The following CDH26 variants were observed in gnomAD, a reference collection of about 807,000 sequenced individuals.
CDH26 encodes cadherin 26.
A neutral mutation model predicts 90.3 loss-of-function variants in CDH26; 83 were observed. The observed-to-expected ratio is 0.92, with a 90% CI of 0.77 to 1.10. CDH26 has a LOEUF of 1.10. CDH26 is among the 50% of genes least tolerant of loss of function. The probability of loss-of-function intolerance (pLI) is 0.00; values close to 1 mark genes in which losing one functional copy is unlikely to be tolerated. For missense variants in CDH26, 1,013 were observed against 1,037.6 expected (o/e 0.98, Z 0.33); for synonymous variants, 397 against 396.3 (o/e 1.00, Z -0.02).
At chr20:59,972,690 A>G (rs1288010892) in intron 4 of CDH26, among the ~76,000 whole-genome samples, 1 of 152,184 alleles carries the variant, frequency 6.6e-6, no homozygotes. Flanking sequence ...ACCTAACATC[A>G]TAGGAAGTCC....
rs1407651188 is a variant in CDH26, at chr20:59,994,384, G to A, written c.1561G>A (p.Glu521Lys). Reference protein sequence around the residue: ...ESAVHEPLHIEAEDPDLEPFS... With the variant: ...ESAVHEPLHIKAEDPDLEPFS... The stretch of plus-strand genomic sequence containing the variant: ...TGCTGTGCATGAGCCCCTCCACATC[G>A]AGGCAGAGGATCCGGACCTGGAGCC... Residue 521 changes from glutamate to lysine, a missense_variant, in exon 11 of 18, where the codon GAG becomes AAG. Transcript: ENST00000348616. 2.5e-6 allele frequency: 4 copies of A among 1,614,034 alleles called. No individual in the cohort carries two copies. The highest frequency in any genetic ancestry group is 2.2e-5 in the East Asian group (1 of 44,858).
Position 60,006,734 on chromosome 20 carries a change from C to T in CDH26, c.2242C>T (p.His748Tyr). ...GCAGGCTTACCCAGATGCCACAATG[C>T]ACAGACAACTCCTGGCTCCGGTGGA... Reference protein sequence around the residue: ...STPAYPDATMHRQLLAPVEGR... With the variant: ...STPAYPDATMYRQLLAPVEGR... Residue 748 changes from histidine (H) to tyrosine (Y), a missense_variant, in exon 17 of 18, where the codon CAC becomes TAC. Transcript: ENST00000348616. 6.2e-7 allele frequency: 1 copy of T among 1,614,024 alleles called. No individual in the cohort carries two copies. Among genetic ancestry groups the T allele is most frequent in the East Asian group, 2.2e-5 (1 of 44,860 alleles).
intron 1 of CDH26, among the ~76,000 whole-genome samples, chr20:59,968,003 CTTTCTTT>C (rs1569024955): frequency 2.5e-5 from 3 of 119,312 alleles, no homozygotes; most frequent in South Asian, 2.7e-4. Flanking sequence ...TTCTTTCTTT[CTTTCTTT>C]CTTCCTTTCT....
chr20:60,002,896 C>T (rs769804969), intron 16 of CDH26, 30 bp downstream of exon 16: 9 of 1,471,534 alleles, frequency 6.1e-6, no homozygotes, highest in Non-Finnish European at 8.3e-6. Context: ...TTACCGTGAA[C>T]AAATTTACCT....
chr20:60,030,521 C>A lies in CDH26; in HGVS notation c.948-710C>A, dbSNP rs2062032377. On this transcript the variant is annotated intron_variant, in intron 7 of 8. Transcript: ENST00000370991. The surrounding 1 kb of genome is among the most constrained non-coding windows in gnomAD (Gnocchi z 4.0). ...GTTTCTGTAAGTTCCAGAGGCAGAT[C>A]CTGGAAGATTTTAACTAGCTAATGT... Among the ~76,000 whole-genome samples the A allele has an allele frequency of 6.6e-6, 1 of 152,116 alleles. No individual in the cohort carries two copies. The highest frequency in any genetic ancestry group is 2.4e-5 in the African/African-American group (1 of 41,414).
At chr20:59,974,534 T>G (rs942703729) in intron 4 of CDH26, among the ~76,000 whole-genome samples, 1 of 152,174 alleles carries the variant, frequency 6.6e-6, no homozygotes, top group African/African-American at 2.4e-5. Context: ...AGGCACCATT[T>G]AGAGCAAAGA....
At chr20:60,009,184 A>G (rs925141602) in intron 17 of CDH26, among the ~76,000 whole-genome samples, 1 of 152,186 alleles carries the variant, frequency 6.6e-6, no homozygotes, top group Non-Finnish European at 1.5e-5. Flanking sequence ...TCCAATGGTA[A>G]AGGCACGAGG....
At chr20:60,033,346 T>C in intron 8 of CDH26, 1 of 1,155,714 alleles carries the variant, frequency 8.7e-7, no homozygotes, top group African/African-American at 1.6e-5. Context: ...TTTAACCTCC[T>C]TCGTGTACAC....
At chr20:60,033,423 C>G in intron 8 of CDH26, 2 of 1,274,336 alleles carry the variant, frequency 1.6e-6, no homozygotes, top group Non-Finnish European at 2.1e-6. Context: ...GAATGCTAAG[C>G]CTGTGTTACC....
chr20:60,021,893 C>CAT lies in CDH26; in HGVS notation c.948-9337_948-9336insTA, dbSNP rs1440474881. Among the ~76,000 whole-genome samples, 202 of 87,470 alleles carry CAT rather than the reference C, an allele frequency of 2.3e-3. 2 individuals carry two copies. Among genetic ancestry groups the CAT allele is most frequent in the African/African-American group, 6.5e-3 (183 of 28,256 alleles). The allele number at this position is 87,470 out of a possible 152,430, so 57.4% of individuals were successfully genotyped here. A position where few individuals can be genotyped will look rare whatever the true frequency, so the allele number is the denominator to read the frequency against. On this transcript the variant is annotated intron_variant, in intron 7 of 8. Transcript: ENST00000370991. ...ACACACACACACACACACACACACA[C>CAT]ACACATATATATATATATATATATC...
intron 9 of CDH26, 137 bp downstream of exon 9, chr20:59,989,300 G>A: frequency 9.1e-7 from 1 of 1,099,224 alleles, no homozygotes; most frequent in Non-Finnish European, 1.3e-6. Context: ...AGGCCGAGGC[G>A]GGTGGATCAT....
chr20:59,988,771 A>G (rs528083639), intron 8 of CDH26, 133 bp from the exon 9 acceptor site: 3 of 923,682 alleles, frequency 3.2e-6, no homozygotes, highest in South Asian at 1.7e-5. Context: ...TTTGATCATT[A>G]TCAAAGACAA....
intron 17 of CDH26, 68 bp downstream of exon 17, chr20:60,006,855 G>A: frequency 1.7e-6 from 2 of 1,190,766 alleles, no homozygotes; most frequent in Non-Finnish European, 1.3e-6. Flanking sequence ...CTCCAGGCTT[G>A]ATTTGGGGAC....
At chr20:59,996,786 C>T (rs775754959) in intron 13 of CDH26, 25 bp downstream of exon 13, 6 of 1,613,948 alleles carry the variant, frequency 3.7e-6, no homozygotes, top group Non-Finnish European at 5.1e-6. Context: ...TGCTTTGTGT[C>T]TTATGGCAAG....
chr20:60,025,882 T>A (rs1046868491), intron 7 of CDH26, among the ~76,000 whole-genome samples: 2 of 152,054 alleles, frequency 1.3e-5, no homozygotes, highest in African/African-American at 4.8e-5. Flanking sequence ...GAAAATACAA[T>A]AAAGGTGATT....
intron 1 of CDH26, among the ~76,000 whole-genome samples, chr20:59,965,471 C>G (rs2061136393): frequency 1.3e-5 from 2 of 152,116 alleles, no homozygotes; most frequent in Non-Finnish European, 2.9e-5. Context: ...ATAAAAATAG[C>G]ACATATTTTG....
intron 7 of CDH26, among the ~76,000 whole-genome samples, chr20:60,027,420 CTT>C (rs1166418412): frequency 6.6e-6 from 1 of 152,302 alleles, no homozygotes; most frequent in East Asian, 1.9e-4. Flanking sequence ...TTCCATCCCT[CTT>C]TTTTCTTTTC....
intron 13 of CDH26, among the ~76,000 whole-genome samples, chr20:59,997,841 T>C (rs1284242688): frequency 6.6e-6 from 1 of 152,236 alleles, no homozygotes; most frequent in Non-Finnish European, 1.5e-5. Flanking sequence ...AATTAGAGAG[T>C]TTCTCAAAAA....
chr20:60,001,348 C>G lies in CDH26; in HGVS notation c.2103C>G (p.Leu701=). The change falls in exon 15 of 18, where the codon CTC becomes CTG. Residue 701 remains leucine (L), a synonymous_variant. Transcript: ENST00000348616. Reference sequence around the variant, plus strand: ...AATCAGCATTTTCCCTCTAGGATCTCGAGGAAGTGCCTCCATCTGCAGCGA... The same window carrying G: ...AATCAGCATTTTCCCTCTAGGATCTGGAGGAAGTGCCTCCATCTGCAGCGA... ...AAGPTQGVKD[L]EEVPPSAASQ... 1.2e-6 allele frequency: 2 copies of G among 1,613,966 alleles called. No individual in the cohort carries two copies. The highest frequency in any genetic ancestry group is 1.7e-6 in the Non-Finnish European group (2 of 1,179,986).
Sources: gnomAD v4.1 joint callset for allele counts (sites outside exome capture counted in the v4.1 genomes callset) on GRCh38, gnomAD v4.1.1 for gene constraint, Gnocchi (gnomAD v3.1) non-coding constraint, MANE v1.5 for transcripts, NCBI Gene and HGNC (gene_info 2026-07-23, HGNC 2026-07-21) for gene names.